The following PIK3AP1 variants were observed in gnomAD, a reference collection of about 807,000 sequenced individuals.
The protein encoded by PIK3AP1 is phosphoinositide 3-kinase adapter protein 1.
PIK3AP1 carries 21 observed loss-of-function variants against 88.1 expected under a neutral mutation model. That is an observed-to-expected ratio of 0.24 (90% CI 0.17 to 0.34). PIK3AP1 has a LOEUF of 0.34. PIK3AP1 is among the 10% of genes least tolerant of loss of function. PIK3AP1 has a pLI of 1.00. For missense variants in PIK3AP1, 828 were observed against 1,035.7 expected (o/e 0.80, Z 2.75); for synonymous variants, 398 against 400.0 (o/e 1.00, Z 0.06).
Position 96,628,408 on chromosome 10 carries a change from C to T in PIK3AP1, c.1461G>A (p.Lys487=), listed in dbSNP as rs2134208806. 1 of 1,608,934 alleles carries T rather than the reference C, an allele frequency of 6.2e-7. No homozygotes were observed. The highest frequency in any genetic ancestry group is 8.5e-7 in the Non-Finnish European group (1 of 1,175,262). ...ATGGCTATGACTTACCTTCTAAAAACTTGCGGATCATAGAGTCCTTAGTGG... is the reference window on the plus strand; with the variant it reads ...ATGGCTATGACTTACCTTCTAAAAATTTGCGGATCATAGAGTCCTTAGTGG... ...SRATKDSMIR[K]FLEGNSMGMT... The change falls in exon 9 of 17, where the codon AAG becomes AAA. Residue 487 remains lysine (K), a synonymous_variant. Coordinates refer to ENST00000339364, the MANE Select transcript of PIK3AP1 (RefSeq NM_152309.3).
At chr10:96,700,246 GA>G (rs1174289108) in intron 2 of PIK3AP1, among the ~76,000 whole-genome samples, 1 of 152,092 alleles carries the variant, frequency 6.6e-6, no homozygotes, top group Non-Finnish European at 1.5e-5. Context: ...GAAGCGGCAG[GA>G]GAGGCCGAGT....
chr10:96,705,754 T>C (rs575112686), intron 2 of PIK3AP1, among the ~76,000 whole-genome samples: 74 of 151,992 alleles, frequency 4.9e-4, no homozygotes, highest in African/African-American at 1.7e-3. Flanking sequence ...AGCTAATTTT[T>C]GTATTTTTTG....
intron 8 of PIK3AP1, among the ~76,000 whole-genome samples, chr10:96,630,230 C>T (rs1461774345): frequency 2.0e-5 from 3 of 152,102 alleles, no homozygotes; most frequent in Non-Finnish European, 4.4e-5. Context: ...ATAGTGGACG[C>T]GTTACATAAA....
At position 96,709,768 on chromosome 10, in the gene PIK3AP1, G is replaced by T; in HGVS notation, c.229C>A (p.Gln77Lys). Residue 77 changes from glutamine (Q) to lysine (K), a missense_variant, in exon 2 of 17, where the codon CAG (glutamine) becomes AAG (lysine). Gln to Lys is a moderately conservative substitution (Grantham distance 53). This residue lies in a region of PIK3AP1 where 610 missense variants were observed against 760.1 expected (regional missense o/e 0.80). Transcript: ENST00000339364. ...AGCAAGGCGGGCTTGTGGAAGTGCT[G>T]CACCAGCTCCGCGGACAGCAGCACC... ...VVVLLSAELV[Q>K]HFHKPALLPL... is the part of the protein sequence containing the mutation. 1 of 1,613,828 alleles carries T rather than the reference G, an allele frequency of 6.2e-7. No individual in the cohort carries two copies. The highest frequency in any genetic ancestry group is 8.5e-7 in the Non-Finnish European group (1 of 1,179,816).
chr10:96,595,554 T>C lies in PIK3AP1; in HGVS notation c.*23A>G, dbSNP rs374409007. On this transcript the variant is annotated 3_prime_UTR_variant, in exon 17 of 17. Coordinates refer to ENST00000339364, the MANE Select transcript of PIK3AP1 (RefSeq NM_152309.3). ...GACTGTGAGTCTTAAAGTCCTGAAG[T>C]AGGCAGGTTTTAGGAGGTGGAATCA... 4.4e-6 allele frequency: 7 copies of C among 1,608,552 alleles called. No homozygotes were observed. Among genetic ancestry groups the C allele is most frequent in the Non-Finnish European group, 6.0e-6 (7 of 1,175,606 alleles).
intron 2 of PIK3AP1, among the ~76,000 whole-genome samples, chr10:96,667,526 A>G (rs1843781340): frequency 1.3e-5 from 2 of 152,166 alleles, no homozygotes; most frequent in Admixed American, 1.3e-4. Context: ...ATCTAAGTAC[A>G]CTGTCCAAGT....
intron 2 of PIK3AP1, among the ~76,000 whole-genome samples, chr10:96,662,888 CAAAAAAAAAAAAA>C (rs749898725): frequency 2.1e-3 from 48 of 22,578 alleles, no homozygotes; most frequent in Middle Eastern, 0.053. Context: ...GACTCCGTCT[CAAAAAAAAAAAAA>C]AAAAAAAAAA....
At chr10:96,658,927 A>G (rs1564973962) in intron 2 of PIK3AP1, among the ~76,000 whole-genome samples, 1 of 151,660 alleles carries the variant, frequency 6.6e-6, no homozygotes, top group Non-Finnish European at 1.5e-5. Context: ...TCTCCCCTCA[A>G]TCCCTGCAAA....
At position 96,603,999 on chromosome 10, in the gene PIK3AP1, C is replaced by T. The variant is rs759877812; in HGVS notation, c.2221G>A (p.Gly741Arg). The T allele has an allele frequency of 1.2e-6, 2 of 1,607,794 alleles. No homozygotes were observed. The highest frequency in any genetic ancestry group is 8.5e-7 in the Non-Finnish European group (1 of 1,176,854). Residue 741 changes from glycine to arginine, a missense_variant, in exon 15 of 17, where the codon GGG becomes AGG. Around this residue, in one of 3 missense-constraint regions of PIK3AP1, gnomAD observed 191 missense variants for 208.6 expected, o/e 0.92. Transcript: ENST00000339364. ...CTCACCTCGTTGTCCCCTTCCATCCCGCTGCTCACACTGAGGAGGCTCCGG... is the reference window on the plus strand; with the variant it reads ...CTCACCTCGTTGTCCCCTTCCATCCTGCTGCTCACACTGAGGAGGCTCCGG... ...STRSLLSVSS[G>R]MEGDNEDNEV...
intron 14 of PIK3AP1, among the ~76,000 whole-genome samples, chr10:96,605,138 G>T (rs148066396): frequency 6.6e-6 from 1 of 152,226 alleles, no homozygotes; most frequent in Non-Finnish European, 1.5e-5. Context: ...GATTACAGGT[G>T]TGAGCTACCA....
At chr10:96,656,765 A>T (rs755201377) in intron 3 of PIK3AP1, 33 bp downstream of exon 3, 1 of 1,610,248 alleles carries the variant, frequency 6.2e-7, no homozygotes, top group Non-Finnish European at 8.5e-7. Flanking sequence ...CCAAGTGCTG[A>T]CATCCAGCTA....
intron 2 of PIK3AP1, among the ~76,000 whole-genome samples, chr10:96,708,151 AG>A: frequency 6.6e-6 from 1 of 152,202 alleles, no homozygotes; most frequent in East Asian, 1.9e-4. Context: ...GGGATAACTG[AG>A]GCACAGTTAA....
At chr10:96,663,314 T>G (rs1843718040) in intron 2 of PIK3AP1, among the ~76,000 whole-genome samples, 1 of 152,084 alleles carries the variant, frequency 6.6e-6, no homozygotes. Flanking sequence ...ATTGATGGTA[T>G]GTGAATTATA....
chr10:96,710,378 C>T (rs1242093127), intron 1 of PIK3AP1, among the ~76,000 whole-genome samples: 3 of 152,076 alleles, frequency 2.0e-5, no homozygotes, highest in East Asian at 1.9e-4. Context: ...CCTGCCATCA[C>T]GCCAAGCTAA....
In PIK3AP1 at chr10:96,611,107, G is replaced by GAA. The variant is rs1344605697; in HGVS notation, c.2015-1242_2015-1241dup. Among the ~76,000 whole-genome samples, 3 of 152,216 alleles carry GAA rather than the reference G, an allele frequency of 2.0e-5. No individual in the cohort carries two copies. In the East Asian group the frequency reaches 5.8e-4, roughly 29 times the overall value. ...GTGAATGGATAAACTGGAACAGGAT[G>GAA]AAGGAGCAGCGAGAGGACAGGGCAC... On this transcript the variant is annotated intron_variant, in intron 13 of 16. Transcript: ENST00000339364.
chr10:96,641,622 C>G (rs768754647), intron 8 of PIK3AP1, among the ~76,000 whole-genome samples: 1 of 152,150 alleles, frequency 6.6e-6, no homozygotes, highest in Non-Finnish European at 1.5e-5. Flanking sequence ...AAGGGCAGGC[C>G]AGGAGAGCCC....
At chr10:96,707,510 G>T (rs895401075) in intron 2 of PIK3AP1, among the ~76,000 whole-genome samples, 1 of 152,086 alleles carries the variant, frequency 6.6e-6, no homozygotes, top group Non-Finnish European at 1.5e-5. Context: ...GGCCAGGCTG[G>T]TCTCTAACTC....
At position 96,602,302 on chromosome 10, in the gene PIK3AP1, G is replaced by T; in HGVS notation, c.2338C>A (p.Pro780Thr). Reference sequence around the variant, plus strand: ...TACCTCTGTGAGGCAGCTCTCGGAGGCACCCTGGGGGGTCTCTCGAGGGAC... The same window carrying T: ...TACCTCTGTGAGGCAGCTCTCGGAGTCACCCTGGGGGGTCTCTCGAGGGAC... The part of the protein sequence containing the change: ...TMSLERPPRV[P>T]PRAASQRPPT... The change falls in exon 16 of 17, where the codon CCT becomes ACT. Residue 780 changes from proline to threonine, a missense_variant. By Grantham distance (38) the Pro-to-Thr change is conservative. Coordinates refer to ENST00000339364, the MANE Select transcript of PIK3AP1 (RefSeq NM_152309.3). 6.2e-7 allele frequency: 1 copy of T among 1,604,210 alleles called. No homozygotes were observed. The highest frequency in any genetic ancestry group is 1.8e-5 in the Admixed American group (1 of 56,862).
intron 16 of PIK3AP1, among the ~76,000 whole-genome samples, chr10:96,601,657 C>T (rs1848898689): frequency 6.6e-6 from 1 of 152,046 alleles, no homozygotes. Flanking sequence ...TTTCTGTTCC[C>T]CAAAAGGCAC....
Sources: gnomAD v4.1 joint callset for allele counts (sites outside exome capture counted in the v4.1 genomes callset) on GRCh38, gnomAD v4.1.1 for gene constraint, gnomAD v4.1.1 regional missense constraint, MANE v1.5 for transcripts, NCBI Gene and HGNC (gene_info 2026-07-23, HGNC 2026-07-21) for gene names.